SCMH1: variants seen among roughly 807,000 people sequenced by gnomAD.
The protein encoded by SCMH1 is Scm polycomb group protein homolog 1, also known as polycomb protein SCMH1.
SCMH1 carries 37 observed loss-of-function variants against 70.8 expected under a neutral mutation model. The observed-to-expected ratio is 0.52, with a 90% confidence interval of 0.40 to 0.69. The LOEUF (loss-of-function observed/expected upper bound fraction) is 0.69. Among genes scored for constraint, SCMH1 ranks in the 30% least tolerant of loss-of-function variants. The pLI, the probability that SCMH1 is intolerant of heterozygous loss-of-function variation, is 0.00. For synonymous variants in SCMH1, 292 were observed against 307.4 expected (o/e 0.95, Z 0.52); for missense variants, 607 against 827.3 (o/e 0.73, Z 3.27).
At chr1:41,055,227 TCA>T (rs1310071925) in intron 10 of SCMH1, among the ~76,000 whole-genome samples, 6 of 152,270 alleles carry the variant, frequency 3.9e-5, no homozygotes, top group African/African-American at 1.4e-4. Context: ...AAAGGCAATC[TCA>T]GTTTTCTTAT....
chr1:41,074,507 T>G (rs1456095608), intron 9 of SCMH1, among the ~76,000 whole-genome samples: 1 of 151,864 alleles, frequency 6.6e-6, no homozygotes, highest in African/African-American at 2.4e-5. Flanking sequence ...GAGGTAGAGA[T>G]AGCAAAATAT....
chr1:41,038,010 T>G (rs749972671), intron 12 of SCMH1: 2 of 155,614 alleles, frequency 1.3e-5, no homozygotes, highest in Non-Finnish European at 2.9e-5. Context: ...TGCTCCTATG[T>G]TCCATCTCTC....
chr1:41,046,494 T>G (rs771432827), exon 12 of SCMH1: 1 of 1,614,210 alleles, frequency 6.2e-7, no homozygotes, highest in Admixed American at 1.7e-5. Context: ...CCAAACAGAT[T>G]GTCACTACGA....
intron 10 of SCMH1, among the ~76,000 whole-genome samples, chr1:41,064,722 G>C (rs1382494334): frequency 6.6e-6 from 1 of 152,020 alleles, no homozygotes; most frequent in Non-Finnish European, 1.5e-5. Context: ...AGACCAGCCT[G>C]GGCAACATGG....
rs529892033 is a variant in SCMH1, at chr1:41,085,054, C to T, written c.746-9603G>A. Among the ~76,000 whole-genome samples, 3 of 151,054 alleles carry T rather than the reference C, an allele frequency of 2.0e-5. No individual in the cohort carries two copies. In the East Asian group the frequency reaches 5.9e-4, roughly 29 times the overall value. ...TGACGAGTTAGTGGGTGCAGCACAC[C>T]AGCATGGCACATGTATACATATGTA... On this transcript the variant is annotated intron_variant, in intron 8 of 14. Coordinates refer to ENST00000337495, the Ensembl canonical transcript of SCMH1.
At chr1:41,180,653 G>C (rs902034495) in intron 2 of SCMH1, among the ~76,000 whole-genome samples, 7 of 152,096 alleles carry the variant, frequency 4.6e-5, no homozygotes, top group African/African-American at 1.2e-4. Context: ...ACGTGAAGGA[G>C]CTCTTTAAGG....
At chr1:41,028,696 G>C in exon 14 of SCMH1, 1 of 1,614,100 alleles carries the variant, frequency 6.2e-7, no homozygotes, top group Non-Finnish European at 8.5e-7. Context: ...CAGTCGAGAG[G>C]CATCGCGGCT....
At chr1:41,180,253 A>G (rs1648343900) in intron 2 of SCMH1, among the ~76,000 whole-genome samples, 1 of 152,204 alleles carries the variant, frequency 6.6e-6, no homozygotes, top group Admixed American at 6.5e-5. Flanking sequence ...CCCACAGCCA[A>G]TATCATACTG....
chr1:41,230,938 G>C (rs1474941622), intron 1 of SCMH1, among the ~76,000 whole-genome samples: 1 of 152,158 alleles, frequency 6.6e-6, no homozygotes, highest in Non-Finnish European at 1.5e-5. Context: ...GTTAACCAGA[G>C]TAGATTATTA....
intron 7 of SCMH1, among the ~76,000 whole-genome samples, chr1:41,115,090 T>C (rs1035586039): frequency 6.6e-6 from 1 of 152,354 alleles, no homozygotes; most frequent in African/African-American, 2.4e-5. Context: ...TCCATTGCTA[T>C]CATAAGTGGC....
intron 1 of SCMH1, among the ~76,000 whole-genome samples, chr1:41,188,483 A>G (rs1650844732): frequency 1.3e-5 from 2 of 152,218 alleles, no homozygotes; most frequent in African/African-American, 4.8e-5. Context: ...AAATGTAGCT[A>G]GTGCAAACTG....
At chr1:41,058,681 T>C (rs1270257889) in intron 10 of SCMH1, among the ~76,000 whole-genome samples, 1 of 152,072 alleles carries the variant, frequency 6.6e-6, no homozygotes, top group African/African-American at 2.4e-5. Context: ...TGCTCGGCCT[T>C]ATTTATACAT....
At chr1:41,196,810 C>T (rs984450462) in intron 1 of SCMH1, among the ~76,000 whole-genome samples, 3 of 152,014 alleles carry the variant, frequency 2.0e-5, no homozygotes, top group Non-Finnish European at 2.9e-5. Context: ...TGTAGTCTGT[C>T]GATATCCAAA....
At chr1:41,239,929 C>T (rs1240346315) in intron 1 of SCMH1, among the ~76,000 whole-genome samples, 1 of 152,192 alleles carries the variant, frequency 6.6e-6, no homozygotes, top group Non-Finnish European at 1.5e-5. Flanking sequence ...GCCCCTGCAT[C>T]CAGCCCTAAG....
chr1:41,129,058 T>C (rs577839659), intron 6 of SCMH1, among the ~76,000 whole-genome samples: 2 of 152,254 alleles, frequency 1.3e-5, no homozygotes, highest in East Asian at 3.9e-4. Flanking sequence ...ATTTCCTCTA[T>C]CTTCTTGAAC....
intron 10 of SCMH1, among the ~76,000 whole-genome samples, chr1:41,057,486 G>A (rs1321086960): frequency 6.6e-6 from 1 of 152,042 alleles, no homozygotes; most frequent in East Asian, 1.9e-4. Context: ...CTGACCTCAA[G>A]TGATCTGCCC....
chr1:41,212,446 C>T (rs1363801317), intron 1 of SCMH1, among the ~76,000 whole-genome samples: 5 of 152,116 alleles, frequency 3.3e-5, no homozygotes, highest in East Asian at 3.8e-4. Context: ...AAAAGATATG[C>T]ATTGTGATGA....
intron 1 of SCMH1, among the ~76,000 whole-genome samples, chr1:41,209,937 T>G (rs187520098): frequency 7.2e-5 from 11 of 152,320 alleles, no homozygotes; most frequent in Non-Finnish European, 1.6e-4. Context: ...TGTTTGCAGA[T>G]GACATGATTG....
chr1:41,085,731 A>G (rs952070957), intron 8 of SCMH1, among the ~76,000 whole-genome samples: 2 of 152,196 alleles, frequency 1.3e-5, no homozygotes, highest in African/African-American at 4.8e-5. Context: ...ACAGTAGAAA[A>G]AGAATGTAAA....
Sources: allele counts gnomAD v4.1 joint callset (sites outside exome capture counted in the v4.1 genomes callset), GRCh38; gene constraint gnomAD v4.1.1; transcripts MANE v1.5; gene names NCBI Gene and HGNC (gene_info 2026-07-23, HGNC 2026-07-21).